CCDC73: variants seen among roughly 807,000 people sequenced by gnomAD.
CCDC73 encodes coiled-coil domain containing 73.
Under a neutral mutation model 116.5 loss-of-function variants are expected in CCDC73, and 95 were observed. The ratio of observed to expected loss-of-function variants is 0.82; its 90% CI spans 0.69 to 0.97. The LOEUF is 0.97. CCDC73 is among the 50% of genes least tolerant of loss of function. The probability of loss-of-function intolerance (pLI) is 0.00; values close to 1 mark genes in which losing one functional copy is unlikely to be tolerated. For synonymous variants in CCDC73, 398 were observed against 401.3 expected (o/e 0.99, Z 0.10); for missense variants, 1,066 against 1,206.8 (o/e 0.88, Z 1.73).
In CCDC73 at chr11:32,616,983, G is replaced by A. The variant is rs566449402; in HGVS notation, c.1186-854C>T. Among the ~76,000 whole-genome samples the A allele has an allele frequency of 2.0e-5, 3 of 152,282 alleles. No homozygotes were observed. The East Asian group carries it at 5.8e-4, about 29-fold the overall frequency. On this transcript the variant is annotated intron_variant, in intron 14 of 17. Coordinates refer to ENST00000335185, the MANE Select transcript of CCDC73 (RefSeq NM_001008391.4). Reference sequence around the variant, plus strand: ...AAACATACGTGAAGTATGATATGGAGTCATAGATGGGGATAAGGAGGCACT... The same window carrying A: ...AAACATACGTGAAGTATGATATGGAATCATAGATGGGGATAAGGAGGCACT...
rs867020040 is a variant in CCDC73 at position 32,778,060 on chromosome 11, A to T, written c.-16+16553T>A. On this transcript the variant is annotated intron_variant, in intron 1 of 17. Transcript: ENST00000335185. ...CTCTTTATGTTAAGAGCAGAAAACC[A>T]TATTACGTATCTGCTTAATAATAAA... is the stretch of plus-strand genomic sequence containing the variant. 2.6e-5 allele frequency among the ~76,000 whole-genome samples: 4 copies of T among 152,238 alleles called. 1 individual carries two copies. The highest frequency in any genetic ancestry group is 4.1e-4 in the South Asian group (2 of 4,832).
At position 32,657,975 on chromosome 11, in the gene CCDC73, C is replaced by T. The variant is rs188156646; in HGVS notation, c.646-3003G>A. Among the ~76,000 whole-genome samples, 36 of 150,834 alleles carry T rather than the reference C, an allele frequency of 2.4e-4. 1 individual carries two copies. In the Middle Eastern group the frequency reaches 0.014, roughly 57 times the overall value. On this transcript the variant is annotated intron_variant, in intron 9 of 17. Transcript: ENST00000335185. ...TAATTGCGCCACAGTGACCCCCCAC[C>T]GCCCCCATCTCTTAAAAATAAAAAC...
intron 17 of CCDC73, among the ~76,000 whole-genome samples, chr11:32,610,676 A>G (rs1338091127): frequency 6.6e-6 from 1 of 152,210 alleles, no homozygotes; most frequent in Admixed American, 6.5e-5. Context: ...ACAGTATCAC[A>G]TGGATACTTG....
chr11:32,726,684 T>C (rs1009886000), intron 2 of CCDC73, among the ~76,000 whole-genome samples: 1 of 152,172 alleles, frequency 6.6e-6, no homozygotes, highest in Non-Finnish European at 1.5e-5. Flanking sequence ...AAATCAATTA[T>C]AGGCTTGGCC....
intron 6 of CCDC73, among the ~76,000 whole-genome samples, chr11:32,693,666 A>G (rs1309174983): frequency 6.6e-6 from 1 of 152,218 alleles, no homozygotes. Flanking sequence ...AAAATCCTCA[A>G]TAAAATACTG....
chr11:32,622,307 C>A (rs1855529187), intron 14 of CCDC73, among the ~76,000 whole-genome samples: 1 of 152,134 alleles, frequency 6.6e-6, no homozygotes, highest in Non-Finnish European at 1.5e-5. Context: ...GGTGGATATA[C>A]ACCATGTAAT....
intron 17 of CCDC73, among the ~76,000 whole-genome samples, chr11:32,609,781 A>AT (rs771089485): frequency 8.6e-5 from 13 of 151,648 alleles, no homozygotes; most frequent in East Asian, 1.9e-4. Context: ...GGCAAAGGCA[A>AT]TTTTTTTTAT....
intron 9 of CCDC73, among the ~76,000 whole-genome samples, chr11:32,655,898 A>C (rs1855867245): frequency 6.6e-6 from 1 of 152,164 alleles, no homozygotes; most frequent in African/African-American, 2.4e-5. Context: ...AAAATCTTGA[A>C]ATACCAACTT....
chr11:32,766,123 T>A (rs1351977457), intron 1 of CCDC73, among the ~76,000 whole-genome samples: 1 of 152,190 alleles, frequency 6.6e-6, no homozygotes, highest in African/African-American at 2.4e-5. Flanking sequence ...TCAAGTGGGC[T>A]TCATCCCTGG....
intron 2 of CCDC73, among the ~76,000 whole-genome samples, chr11:32,740,076 T>C (rs1471743828): frequency 2.6e-5 from 4 of 152,174 alleles, no homozygotes; most frequent in Admixed American, 2.0e-4. Context: ...GAATGCTGTT[T>C]GCTAGTATTT....
intron 6 of CCDC73, among the ~76,000 whole-genome samples, chr11:32,694,188 C>T (rs1856288438): frequency 1.3e-5 from 2 of 152,186 alleles, no homozygotes; most frequent in South Asian, 4.1e-4. Flanking sequence ...CCCAAAATCT[C>T]CTTAAGCTGA....
intron 1 of CCDC73, among the ~76,000 whole-genome samples, chr11:32,789,745 C>A (rs1182551442): frequency 1.3e-5 from 2 of 152,142 alleles, no homozygotes; most frequent in African/African-American, 4.8e-5. Context: ...TACACTCCAG[C>A]CTGTGTGACA....
At position 32,613,452 on chromosome 11, in the gene CCDC73, C is replaced by T. The variant is rs778507778; in HGVS notation, c.2866G>A (p.Val956Met). 6.2e-7 allele frequency: 1 copy of T among 1,613,512 alleles called. No homozygotes were observed. The change falls in exon 16 of 18, where the codon GTG becomes ATG. Residue 956 changes from valine (V) to methionine (M), a missense_variant. Coordinates refer to ENST00000335185, the MANE Select transcript of CCDC73 (RefSeq NM_001008391.4). ...CCAATATCCTTTCCAACATCATCCA[C>T]ACCAATATTTTTACAAAGAGCCATT... is the stretch of plus-strand genomic sequence containing the variant. Reference protein sequence around the residue: ...ISMALCKNIGVDDVGKDIGPD... With the variant: ...ISMALCKNIGMDDVGKDIGPD...
intron 1 of CCDC73, among the ~76,000 whole-genome samples, chr11:32,771,969 T>C (rs1253829755): frequency 6.6e-6 from 1 of 152,190 alleles, no homozygotes; most frequent in Non-Finnish European, 1.5e-5. Context: ...AATCAAAGAC[T>C]ACATGGAGAG....
intron 1 of CCDC73, among the ~76,000 whole-genome samples, chr11:32,783,601 G>C (rs1178273029): frequency 6.6e-6 from 1 of 152,116 alleles, no homozygotes; most frequent in Admixed American, 6.6e-5. Context: ...ATGGTGGAAG[G>C]GGTGAGGAAA....
intron 2 of CCDC73, among the ~76,000 whole-genome samples, chr11:32,754,903 T>TC (rs1554968788): frequency 2.5e-5 from 3 of 117,888 alleles, no homozygotes; most frequent in African/African-American, 9.5e-5. Flanking sequence ...TTTTTTTTTT[T>TC]CTGAGACAGA....
At chr11:32,756,574 T>C (rs910313330) in intron 2 of CCDC73, among the ~76,000 whole-genome samples, 7 of 151,036 alleles carry the variant, frequency 4.6e-5, no homozygotes, top group South Asian at 2.1e-4. Flanking sequence ...TTTGGGAAGA[T>C]GTAAAGCCTA....
intron 12 of CCDC73, among the ~76,000 whole-genome samples, chr11:32,642,531 C>G (rs979479137): frequency 1.3e-5 from 2 of 151,888 alleles, no homozygotes; most frequent in Non-Finnish European, 1.5e-5. Flanking sequence ...CAAATTAACA[C>G]TTTTTAAGTA....
intron 2 of CCDC73, among the ~76,000 whole-genome samples, chr11:32,743,155 A>G (rs1850204342): frequency 6.6e-6 from 1 of 152,196 alleles, no homozygotes. Context: ...TTTTGGTTCC[A>G]TATGAACTTT....
Sources: gnomAD v4.1 joint callset for allele counts (sites outside exome capture counted in the v4.1 genomes callset) on GRCh38, gnomAD v4.1.1 for gene constraint, MANE v1.5 for transcripts, NCBI Gene and HGNC (gene_info 2026-07-23, HGNC 2026-07-21) for gene names.